The following DNAJC10 variants were observed in gnomAD, a reference collection of about 807,000 sequenced individuals.
DNAJC10 encodes DnaJ heat shock protein family (Hsp40) member C10.
A neutral mutation model predicts 115.0 loss-of-function variants in DNAJC10; 101 were observed. That is an observed-to-expected ratio of 0.88 (90% CI 0.75 to 1.04). The LOEUF is 1.04. Among genes scored for constraint, DNAJC10 ranks in the 50% least tolerant of loss-of-function variants. The pLI, the probability that DNAJC10 is intolerant of heterozygous loss-of-function variation, is 0.00. For missense variants in DNAJC10, 981 were observed against 928.8 expected, an observed-to-expected ratio of 1.06 and a Z score of -0.73; for synonymous variants, 307 against 301.5, an observed-to-expected ratio of 1.02 and a Z score of -0.19.
intron 14 of DNAJC10, among the ~76,000 whole-genome samples, chr2:182,748,563 G>T (rs901469149): frequency 2.0e-5 from 3 of 152,116 alleles, no homozygotes; most frequent in African/African-American, 7.2e-5. Context: ...ATTTCTGTGG[G>T]ATTGGTGGTG....
chr2:182,720,295 T>G (rs1052652805), intron 4 of DNAJC10, 126 bp downstream of exon 4: 7 of 763,472 alleles, frequency 9.2e-6, no homozygotes, highest in Non-Finnish European at 1.5e-5. Context: ...TAATTTGCTG[T>G]GGGAGTGAAA....
intron 19 of DNAJC10, 96 bp from the exon 20 acceptor site, chr2:182,758,741 A>G: frequency 2.3e-6 from 2 of 887,294 alleles, no homozygotes; most frequent in Admixed American, 2.0e-5. Context: ...ATCAATCAAT[A>G]TAACTTATTT....
At position 182,790,689 on chromosome 2, in the gene DNAJC10, T is replaced by A. The variant is rs1359202660; in HGVS notation, c.*13557T>A. 6.6e-6 allele frequency: 1 copy of A among 151,596 alleles called. No homozygotes were observed. The highest frequency in any genetic ancestry group is 2.4e-5 in the African/African-American group (1 of 41,212). The allele number at this position is 151,596 out of a possible 1,614,324, so 9.4% of individuals were successfully genotyped here. A position where few individuals can be genotyped will look rare whatever the true frequency, so the allele number is the denominator to read the frequency against. ...CTGTAATCCCAGCTACTTGGGAGTC[T>A]GAGACAGGAAAATCGCTTGAACCCG... is the stretch of plus-strand genomic sequence containing the variant. On this transcript the variant is annotated 3_prime_UTR_variant, in exon 24 of 24. Coordinates refer to ENST00000264065, the MANE Select transcript of DNAJC10 (RefSeq NM_018981.4).
At position 182,759,325 on chromosome 2, in the gene DNAJC10, T is replaced by C; in HGVS notation, c.2145+18T>C. On this transcript the variant is annotated intron_variant, in intron 21 of 23. Coordinates refer to ENST00000264065, the MANE Select transcript of DNAJC10 (RefSeq NM_018981.4). The stretch of plus-strand genomic sequence containing the variant: ...TGGCTAGGGTAAGTCATACCTGTCT[T>C]AAATAAGTTGTAGCCACATTCATGT... 1.3e-6 allele frequency: 2 copies of C among 1,593,642 alleles called. No individual in the cohort carries two copies. The highest frequency in any genetic ancestry group is 1.7e-6 in the Non-Finnish European group (2 of 1,175,018).
chr2:182,761,376 T>C (rs1694280551), intron 21 of DNAJC10, among the ~76,000 whole-genome samples: 1 of 152,190 alleles, frequency 6.6e-6, no homozygotes, highest in Non-Finnish European at 1.5e-5. Context: ...TTCTACATTT[T>C]TCTTACTTTC....
intron 14 of DNAJC10, 30 bp downstream of exon 14, chr2:182,743,742 A>T (rs1379858578): frequency 1.4e-6 from 2 of 1,448,594 alleles, no homozygotes; most frequent in African/African-American, 2.9e-5. Context: ...ATAAAAAAAA[A>T]CTTAGCTTCA....
intron 14 of DNAJC10, among the ~76,000 whole-genome samples, chr2:182,746,477 A>T (rs572082888): frequency 1.3e-5 from 2 of 152,254 alleles, no homozygotes; most frequent in South Asian, 4.1e-4. Context: ...CATTTCTCTG[A>T]TGGCCAGTGA....
chr2:182,742,185 AT>A (rs542193949), intron 13 of DNAJC10, among the ~76,000 whole-genome samples: 64 of 151,744 alleles, frequency 4.2e-4, no homozygotes, highest in Admixed American at 1.2e-3. Flanking sequence ...AATATGGGAA[AT>A]TTTCTTCTCT....
Position 182,775,302 on chromosome 2 carries a change from GTT to G in DNAJC10, c.2266-10_2266-9del. 1 of 1,513,352 alleles carries G rather than the reference GTT, an allele frequency of 6.6e-7. No individual in the cohort carries two copies. Among genetic ancestry groups the G allele is most frequent in the Non-Finnish European group, 9.2e-7 (1 of 1,092,758 alleles). The allele number at this position is 1,513,352 out of a possible 1,614,324, so 93.7% of individuals were successfully genotyped here. A position where few individuals can be genotyped will look rare whatever the true frequency, so the allele number is the denominator to read the frequency against. ...ATTAAATACTTAAAAGATAACAAGT[GTT>G]TTTAATTTTAGAGAAATTTTCAAGA... is the stretch of plus-strand genomic sequence containing the variant. On this transcript the variant is annotated splice_polypyrimidine_tract_variant and intron_variant, in intron 22 of 23. Coordinates refer to ENST00000264065, the MANE Select transcript of DNAJC10 (RefSeq NM_018981.4).
intron 22 of DNAJC10, among the ~76,000 whole-genome samples, chr2:182,774,737 T>C (rs1694658669): frequency 6.6e-6 from 1 of 152,208 alleles, no homozygotes; most frequent in Admixed American, 6.5e-5. Context: ...GTGTCCCGTT[T>C]TTTCAGGTAG....
At chr2:182,746,007 G>C (rs1053800762) in intron 14 of DNAJC10, among the ~76,000 whole-genome samples, 1 of 151,910 alleles carries the variant, frequency 6.6e-6, no homozygotes, top group Non-Finnish European at 1.5e-5. Context: ...TTGTCTTTGC[G>C]ATAGTTTACT....
At chr2:182,762,303 T>A (rs1694305496) in intron 21 of DNAJC10, among the ~76,000 whole-genome samples, 1 of 152,002 alleles carries the variant, frequency 6.6e-6, no homozygotes, top group Admixed American at 6.6e-5. Flanking sequence ...GTGGAGTAAG[T>A]CAGCCTTCAC....
In DNAJC10 at chr2:182,720,135, G is replaced by C. The variant is rs1693113166; in HGVS notation, c.333G>C (p.Gln111His). The C allele has an allele frequency of 6.2e-7, 1 of 1,610,588 alleles. No individual in the cohort carries two copies. The highest frequency in any genetic ancestry group is 8.5e-7 in the Non-Finnish European group (1 of 1,178,842). Residue 111 changes from glutamine (Q) to histidine (H), a missense_variant, in exon 4 of 24, where the codon CAG (glutamine) becomes CAC (histidine). By Grantham distance (24) the Gln-to-His change is conservative. Transcript: ENST00000264065. ...GACTTGAGGATAATCAAGGTGGCCA[G>C]TATGAAAGCTGGAACTATTATCGTT... is the stretch of plus-strand genomic sequence containing the variant. The part of the protein sequence containing the change: ...EKGLEDNQGG[Q>H]YESWNYYRYD...
intron 5 of DNAJC10, among the ~76,000 whole-genome samples, chr2:182,725,333 A>G (rs920800629): frequency 1.3e-5 from 2 of 152,178 alleles, no homozygotes; most frequent in African/African-American, 2.4e-5. Context: ...AGAGATGCAC[A>G]TCTCTCATTT....
intron 22 of DNAJC10, among the ~76,000 whole-genome samples, chr2:182,765,755 G>C (rs77349190): frequency 0.022 from 3,369 of 152,236 alleles, 125 homozygotes; most frequent in African/African-American, 0.078. Context: ...AGTTTGATAA[G>C]CTTGTTTAAC....
At position 182,794,453 on chromosome 2, in the gene DNAJC10, C is replaced by CA. The variant is rs1391554692; in HGVS notation, c.*17326dup. The CA allele has an allele frequency of 6.6e-6, 1 of 152,074 alleles. No individual in the cohort carries two copies. Among genetic ancestry groups the CA allele is most frequent in the Non-Finnish European group, 1.5e-5 (1 of 68,018 alleles). 9.4% of individuals were successfully genotyped at this position (152,074 alleles called of 1,614,324 possible). A position where few individuals can be genotyped will look rare whatever the true frequency, so the allele number is the denominator to read the frequency against. ...ATGTAGAAGTGAAATAAACTTGTCA[C>CA]AAAAATGCAAATTGTGTCACCAATT... On this transcript the variant is annotated 3_prime_UTR_variant, in exon 24 of 24. Coordinates refer to ENST00000264065, the MANE Select transcript of DNAJC10 (RefSeq NM_018981.4).
Position 182,793,967 on chromosome 2 carries a change from C to T in DNAJC10, c.*16835C>T, listed in dbSNP as rs1364232973. ...AATTCTGAGAGGAAAATATTTTTAA[C>T]CTAGGATTCTATTCATACCTACCCA... is the stretch of plus-strand genomic sequence containing the variant. On this transcript the variant is annotated 3_prime_UTR_variant, in exon 24 of 24. Transcript: ENST00000264065. 6.6e-6 allele frequency: 1 copy of T among 151,964 alleles called. No homozygotes were observed. The highest frequency in any genetic ancestry group is 2.4e-5 in the African/African-American group (1 of 41,366). The allele number at this position is 151,964 out of a possible 1,614,324, so 9.4% of individuals were successfully genotyped here.
At chr2:182,741,391 G>A in intron 13 of DNAJC10, 35 bp downstream of exon 13, 1 of 1,097,844 alleles carries the variant, frequency 9.1e-7, no homozygotes, top group Non-Finnish European at 1.3e-6. Flanking sequence ...CCTTCTGCTG[G>A]TGTACTTTGT....
chr2:182,736,453 T>C, intron 11 of DNAJC10, 67 bp downstream of exon 11: 2 of 1,200,580 alleles, frequency 1.7e-6, no homozygotes, highest in Non-Finnish European at 2.2e-6. Context: ...TAATACATTA[T>C]TTTTGTAAGC....
Sources: gnomAD v4.1 joint callset for allele counts (sites outside exome capture counted in the v4.1 genomes callset) on GRCh38, gnomAD v4.1.1 for gene constraint, MANE v1.5 for transcripts, NCBI Gene and HGNC (gene_info 2026-07-23, HGNC 2026-07-21) for gene names.